NCOA7: variants seen among roughly 807,000 people sequenced by gnomAD.
The protein encoded by NCOA7 is 140 kDa estrogen receptor-associated protein.
Under a neutral mutation model 104.3 loss-of-function variants are expected in NCOA7, and 45 were observed. That is an observed-to-expected ratio of 0.43 (90% confidence interval 0.34 to 0.55). The LOEUF (loss-of-function observed/expected upper bound fraction) is 0.55. Ranked by LOEUF, NCOA7 falls within the 20% of genes least tolerant of loss-of-function variation. The pLI is 0.02. For synonymous variants in NCOA7, 398 were observed against 402.3 expected (o/e 0.99, Z 0.13); for missense variants, 1,041 against 1,119.7 (o/e 0.93, Z 1.00).
intron 2 of NCOA7, among the ~76,000 whole-genome samples, chr6:125,837,891 G>A (rs1218242621): frequency 2.0e-5 from 3 of 152,220 alleles, no homozygotes; most frequent in African/African-American, 7.2e-5. Flanking sequence ...TAAATTGCAT[G>A]CTGCTCTTAG....
intron 10 of NCOA7, among the ~76,000 whole-genome samples, chr6:125,913,343 T>C (rs1786763647): frequency 6.6e-6 from 1 of 152,194 alleles, no homozygotes; most frequent in South Asian, 2.1e-4. Flanking sequence ...TCTGTGATTT[T>C]CTCTTAAGGC....
intron 3 of NCOA7, among the ~76,000 whole-genome samples, chr6:125,859,128 C>T (rs1454105345): frequency 6.6e-6 from 1 of 151,896 alleles, no homozygotes; most frequent in African/African-American, 2.4e-5. Flanking sequence ...TGTGATGAAT[C>T]TGATATGAAG....
chr6:125,888,811 T>C (rs1583468074), intron 8 of NCOA7, 128 bp from the exon 9 acceptor site: 2 of 567,550 alleles, frequency 3.5e-6, no homozygotes, highest in Non-Finnish European at 6.1e-6. Flanking sequence ...TGAACATAAA[T>C]TTAAGTTGTG....
intron 8 of NCOA7, among the ~76,000 whole-genome samples, chr6:125,888,005 T>G (rs1437794206): frequency 6.6e-6 from 1 of 152,214 alleles, no homozygotes; most frequent in Non-Finnish European, 1.5e-5. Flanking sequence ...CCATGGTGGT[T>G]TGCTGCTCTC....
At chr6:125,814,645 C>CT (rs1294103645) in intron 1 of NCOA7, among the ~76,000 whole-genome samples, 1 of 152,166 alleles carries the variant, frequency 6.6e-6, no homozygotes, top group African/African-American at 2.4e-5. Context: ...TGGAGACAAC[C>CT]TTTTTTTATA....
intron 3 of NCOA7, among the ~76,000 whole-genome samples, chr6:125,870,494 T>A (rs557553406): frequency 4.6e-4 from 70 of 152,302 alleles, no homozygotes; most frequent in Non-Finnish European, 8.7e-4. Context: ...TCAGCCATAT[T>A]TTTTTCAGTC....
In NCOA7 at chr6:125,889,609, A is replaced by G. The variant is rs1784486294; in HGVS notation, c.1555A>G (p.Lys519Glu). ...ACTGAACATACATGAAGATTTAGAT[A>G]AAGTTAAACTCATTGAATATTACCT... is the stretch of plus-strand genomic sequence containing the variant. ...NTLNIHEDLD[K>E]VKLIEYYLTK... Residue 519 changes from lysine (K) to glutamate (E), a missense_variant, in exon 9 of 16, where the codon AAA becomes GAA. Physicochemically the swap from Lys to Glu is moderately conservative, Grantham distance 56. Around this residue, in one of 2 missense-constraint regions of NCOA7, gnomAD observed 914 missense variants for 942.7 expected, o/e 0.97. Coordinates refer to ENST00000392477, the MANE Select transcript of NCOA7 (RefSeq NM_181782.5). The G allele has an allele frequency of 6.2e-7, 1 of 1,613,756 alleles. No homozygotes were observed. The highest frequency in any genetic ancestry group is 8.5e-7 in the Non-Finnish European group (1 of 1,179,920).
At chr6:125,815,918 C>A (rs1379049931) in intron 2 of NCOA7, among the ~76,000 whole-genome samples, 1 of 152,078 alleles carries the variant, frequency 6.6e-6, no homozygotes, top group African/African-American at 2.4e-5. Context: ...TTGTTGATAT[C>A]TGAATAGAAG....
intron 2 of NCOA7, among the ~76,000 whole-genome samples, chr6:125,850,162 C>T (rs1021124450): frequency 6.6e-6 from 1 of 152,140 alleles, no homozygotes; most frequent in Non-Finnish European, 1.5e-5. Flanking sequence ...AGCTATTCTC[C>T]TTTGTAAAAA....
Position 125,928,745 on chromosome 6 carries a change from G to A in NCOA7, c.2803G>A (p.Asp935Asn). 2 of 1,612,830 alleles carry A rather than the reference G, an allele frequency of 1.2e-6. No individual in the cohort carries two copies. Among genetic ancestry groups the A allele is most frequent in the Non-Finnish European group, 1.7e-6 (2 of 1,179,582 alleles). The change falls in exon 16 of 16, where the codon GAT (aspartate) becomes AAT (asparagine). Residue 935 changes from aspartate to asparagine, a missense_variant. Around this residue, in one of 2 missense-constraint regions of NCOA7, gnomAD observed 127 missense variants for 177.0 expected, o/e 0.72. Transcript: ENST00000392477. ...CAAAAAGGAAGACTTCATAGTTCAG[G>A]ATCTGGAGGTGTGGGCATTTGATTG... ...LSKKEDFIVQDLEVWAFD is the reference protein window; with the variant it reads ...LSKKEDFIVQNLEVWAFD
intron 2 of NCOA7, among the ~76,000 whole-genome samples, chr6:125,828,172 T>A (rs968133678): frequency 9.9e-5 from 15 of 152,262 alleles, no homozygotes; most frequent in African/African-American, 3.4e-4. Context: ...GGGAACAGAA[T>A]TAGGAAATTT....
chr6:125,815,382 C>T lies in NCOA7; in HGVS notation c.28C>T (p.Arg10Trp), dbSNP rs376999603. 6.8e-4 allele frequency: 1,093 copies of T among 1,607,234 alleles called. 14 individuals carry two copies. The South Asian group carries it at 0.01, about 15-fold the overall frequency. ...GGATACCAAGGAAGAGAAGAAGGAA[C>T]GGAAACAAAGTTATTTTGCTCGGTA... The part of the protein sequence containing the change: MDTKEEKKE[R>W]KQSYFARLKK... Residue 10 changes from arginine (R) to tryptophan (W), a missense_variant, in exon 2 of 16, where the codon CGG becomes TGG. This residue lies in a region of NCOA7 where 914 missense variants were observed against 942.7 expected (regional missense o/e 0.97). Coordinates refer to ENST00000392477, the MANE Select transcript of NCOA7 (RefSeq NM_181782.5).
At chr6:125,864,876 C>A (rs1782318623) in intron 3 of NCOA7, among the ~76,000 whole-genome samples, 1 of 137,686 alleles carries the variant, frequency 7.3e-6, no homozygotes, top group Non-Finnish European at 1.5e-5. Context: ...CATATTTCTT[C>A]TGTTTTCTTC....
At chr6:125,810,673 G>T (rs1776913009) in intron 1 of NCOA7, among the ~76,000 whole-genome samples, 1 of 152,170 alleles carries the variant, frequency 6.6e-6, no homozygotes, top group Admixed American at 6.5e-5. Context: ...CTTCACTGAA[G>T]CATGAAGGCT....
At chr6:125,844,368 A>T (rs1418930489) in intron 2 of NCOA7, among the ~76,000 whole-genome samples, 1 of 152,178 alleles carries the variant, frequency 6.6e-6, no homozygotes, top group Non-Finnish European at 1.5e-5. Flanking sequence ...TCTCATTATC[A>T]CGATTAGAAA....
At chr6:125,806,260 G>T (rs1341718251) in intron 1 of NCOA7, among the ~76,000 whole-genome samples, 9 of 152,236 alleles carry the variant, frequency 5.9e-5, no homozygotes, top group African/African-American at 1.9e-4. Flanking sequence ...AGAATCACTT[G>T]AACCCAGGAG....
intron 2 of NCOA7, among the ~76,000 whole-genome samples, chr6:125,834,221 G>A (rs946416639): frequency 1.3e-5 from 2 of 152,102 alleles, no homozygotes; most frequent in African/African-American, 4.8e-5. Context: ...TTATTTGTGT[G>A]TCTGAAATCA....
intron 4 of NCOA7, among the ~76,000 whole-genome samples, chr6:125,877,425 G>A (rs1783474586): frequency 6.6e-6 from 1 of 152,168 alleles, no homozygotes; most frequent in South Asian, 2.1e-4. Context: ...GAACTTCTCA[G>A]TGACATTCAT....
At chr6:125,880,587 G>T (rs1783744167) in intron 5 of NCOA7, among the ~76,000 whole-genome samples, 1 of 151,744 alleles carries the variant, frequency 6.6e-6, no homozygotes, top group Admixed American at 6.6e-5. Flanking sequence ...GAGTGCAGTG[G>T]CACGATCTTG....
Sources: allele counts gnomAD v4.1 joint callset (sites outside exome capture counted in the v4.1 genomes callset), GRCh38; gene constraint gnomAD v4.1.1; regional missense constraint gnomAD v4.1.1; transcripts MANE v1.5; gene names NCBI Gene and HGNC (gene_info 2026-07-23, HGNC 2026-07-21).